The following CLSTN2 variants were observed in gnomAD, a reference collection of about 807,000 sequenced individuals.
The protein encoded by CLSTN2 is calsyntenin 2.
Under a neutral mutation model 101.2 loss-of-function variants are expected in CLSTN2, and 48 were observed. That is an observed-to-expected ratio of 0.47 (90% CI 0.38 to 0.60). The LOEUF (loss-of-function observed/expected upper bound fraction) is 0.60, where lower values mean the gene tolerates loss of function less well. CLSTN2 is among the 20% of genes least tolerant of loss of function. The pLI is 0.00. For missense variants in CLSTN2, 1,160 were observed against 1,238.2 expected (o/e 0.94, Z 0.95); for synonymous variants, 481 against 463.6 (o/e 1.04, Z -0.48).
At chr3:139,952,470 A>G (rs536259181) in intron 1 of CLSTN2, among the ~76,000 whole-genome samples, 5 of 151,164 alleles carry the variant, frequency 3.3e-5, no homozygotes, top group African/African-American at 9.8e-5. Context: ...TTGCCCCTAC[A>G]TTGGTTCCTT....
rs536768091 is a variant in CLSTN2 at position 140,352,096 on chromosome 3, G to T, written c.233-51533G>T. Among the ~76,000 whole-genome samples the T allele has an allele frequency of 3.9e-5, 6 of 152,244 alleles. No homozygotes were observed. In the East Asian group the frequency reaches 7.7e-4, roughly 20 times the overall value. On this transcript the variant is annotated intron_variant, in intron 2 of 16. Transcript: ENST00000458420. ...ATTGAGCTAATCTTCCTAAACCTTG[G>T]TTTTTCTGCTTAAAAACTAAAGATA...
At chr3:140,235,232 T>A (rs2086405887) in intron 2 of CLSTN2, among the ~76,000 whole-genome samples, 2 of 152,188 alleles carry the variant, frequency 1.3e-5, no homozygotes, top group Admixed American at 6.5e-5. Flanking sequence ...CACAATGGAC[T>A]GATTAATGTA....
intron 2 of CLSTN2, among the ~76,000 whole-genome samples, chr3:140,384,808 T>C (rs968817933): frequency 2.6e-5 from 4 of 152,382 alleles, no homozygotes; most frequent in Admixed American, 6.5e-5. Context: ...CCTGACACTT[T>C]CTTTAACTTG....
chr3:140,277,043 G>A (rs549831019), intron 2 of CLSTN2, among the ~76,000 whole-genome samples: 1 of 152,164 alleles, frequency 6.6e-6, no homozygotes, highest in Non-Finnish European at 1.5e-5. Flanking sequence ...GTCTGAGGGG[G>A]CTCATGCCTA....
chr3:140,199,550 G>T (rs991187644), intron 2 of CLSTN2, among the ~76,000 whole-genome samples: 1 of 152,216 alleles, frequency 6.6e-6, no homozygotes, highest in African/African-American at 2.4e-5. Flanking sequence ...ATCATCAGGG[G>T]TGCTTATCAA....
At chr3:140,290,102 G>A (rs1272659219) in intron 2 of CLSTN2, among the ~76,000 whole-genome samples, 2 of 151,824 alleles carry the variant, frequency 1.3e-5, no homozygotes, top group South Asian at 2.1e-4. Flanking sequence ...TTGCTAATAG[G>A]CATCAGAAAA....
intron 4 of CLSTN2, among the ~76,000 whole-genome samples, chr3:140,415,032 C>T (rs1475032958): frequency 1.3e-5 from 2 of 151,606 alleles, no homozygotes; most frequent in African/African-American, 4.8e-5. Context: ...AATAAATTCA[C>T]ACATATATAG....
chr3:140,249,033 C>T (rs2086540180), intron 2 of CLSTN2, among the ~76,000 whole-genome samples: 2 of 152,020 alleles, frequency 1.3e-5, no homozygotes, highest in South Asian at 4.1e-4. Context: ...GAGGGAGGAC[C>T]CTGTAGGGTC....
At chr3:140,522,329 G>A (rs569083634) in intron 8 of CLSTN2, among the ~76,000 whole-genome samples, 1 of 151,532 alleles carries the variant, frequency 6.6e-6, no homozygotes, top group South Asian at 2.1e-4. Context: ...AATTGGCCAT[G>A]TTGGCCCCCA....
At chr3:140,159,405 C>G (rs530963237) in intron 1 of CLSTN2, among the ~76,000 whole-genome samples, 2 of 152,188 alleles carry the variant, frequency 1.3e-5, no homozygotes, top group African/African-American at 4.8e-5. Context: ...AAGCAACCAA[C>G]AATCATATGA....
chr3:140,318,468 G>A (rs1163642832), intron 2 of CLSTN2, among the ~76,000 whole-genome samples: 2 of 152,198 alleles, frequency 1.3e-5, no homozygotes, highest in Non-Finnish European at 2.9e-5. Context: ...CTGGTACTTA[G>A]CAGAGTAGAG....
At chr3:140,454,001 A>G (rs1933319841) in intron 6 of CLSTN2, among the ~76,000 whole-genome samples, 1 of 152,226 alleles carries the variant, frequency 6.6e-6, no homozygotes, top group Admixed American at 6.5e-5. Context: ...CCAGCATGAC[A>G]GTGTCAGTCT....
chr3:140,154,299 G>A, intron 1 of CLSTN2, among the ~76,000 whole-genome samples: 1 of 152,078 alleles, frequency 6.6e-6, no homozygotes, highest in East Asian at 1.9e-4. Context: ...ATCTAGTGCA[G>A]ATACTCCAAG....
chr3:140,088,193 T>C (rs2008711433), intron 1 of CLSTN2, among the ~76,000 whole-genome samples: 1 of 152,202 alleles, frequency 6.6e-6, no homozygotes, highest in Non-Finnish European at 1.5e-5. Context: ...AGCACTGTTA[T>C]CACAGAAGAG....
intron 7 of CLSTN2, among the ~76,000 whole-genome samples, chr3:140,466,180 A>G (rs1273810036): frequency 1.3e-5 from 2 of 152,218 alleles, no homozygotes; most frequent in Non-Finnish European, 2.9e-5. Flanking sequence ...GATGAAATAA[A>G]ATAAAAACCC....
chr3:140,169,560 C>A (rs1162580081), intron 1 of CLSTN2, among the ~76,000 whole-genome samples: 13 of 152,108 alleles, frequency 8.5e-5, no homozygotes, highest in Non-Finnish European at 1.9e-4. Context: ...GGAAGGAAAG[C>A]ATTTATTCTT....
intron 2 of CLSTN2, among the ~76,000 whole-genome samples, chr3:140,354,028 C>T (rs568689888): frequency 7.9e-5 from 12 of 152,318 alleles, no homozygotes; most frequent in Admixed American, 2.0e-4. Context: ...ATTCACCCAT[C>T]ACACATTAAG....
At chr3:140,098,826 G>A (rs2008914387) in intron 1 of CLSTN2, among the ~76,000 whole-genome samples, 1 of 152,212 alleles carries the variant, frequency 6.6e-6, no homozygotes, top group South Asian at 2.1e-4. Context: ...AGCATTAGGA[G>A]TCTGAATGCT....
intron 2 of CLSTN2, among the ~76,000 whole-genome samples, chr3:140,385,657 G>A (rs187594525): frequency 3.8e-4 from 58 of 152,154 alleles, no homozygotes; most frequent in Middle Eastern, 3.4e-3. Context: ...GATTACAGCC[G>A]TGAGCCACCG....
Sources: allele counts gnomAD v4.1 joint callset (sites outside exome capture counted in the v4.1 genomes callset), GRCh38; gene constraint gnomAD v4.1.1; transcripts MANE v1.5; gene names NCBI Gene and HGNC (gene_info 2026-07-23, HGNC 2026-07-21).